ATIC: variants seen among roughly 807,000 people sequenced by gnomAD.
ATIC encodes the protein 5-aminoimidazole-4-carboxamide ribonucleotide formyltransferase/IMP cyclohydrolase, also known as bifunctional purine biosynthesis protein ATIC.
ATIC carries 64 observed loss-of-function variants against 72.5 expected under a neutral mutation model. The observed-to-expected ratio is 0.88, with a 90% confidence interval of 0.72 to 1.09. The LOEUF (loss-of-function observed/expected upper bound fraction) is 1.09. Among genes scored for constraint, ATIC ranks in the 50% least tolerant of loss-of-function variants. The pLI is 0.00. For missense variants in ATIC, 787 were observed against 732.4 expected, an observed-to-expected ratio of 1.07 and a Z score of -0.86; for synonymous variants, 281 against 267.1, an observed-to-expected ratio of 1.05 and a Z score of -0.51.
At chr2:215,338,670 G>A (rs1415513002) in intron 11 of ATIC, 109 bp from the exon 12 acceptor site, 1 of 1,162,310 alleles carries the variant, frequency 8.6e-7, no homozygotes, top group African/African-American at 1.6e-5. Context: ...TAAAAAATTA[G>A]AAACATGCAT....
intron 7 of ATIC, among the ~76,000 whole-genome samples, chr2:215,332,131 CGTGTGTGTGTGT>C (rs71044585): frequency 0.12 from 16,407 of 142,162 alleles, 1,020 homozygotes; most frequent in African/African-American, 0.17. Flanking sequence ...GTCCTCCAGT[CGTGTGTGTGTGT>C]GTGTGTGTGT....
the ATIC span, among the ~76,000 whole-genome samples, chr2:215,366,899 A>T: frequency 3.3e-4 from 50 of 152,370 alleles, no homozygotes; most frequent in Non-Finnish European, 6.5e-4. Context: ...GCTCCTAAAC[A>T]GCATGTGATG....
At chr2:215,351,465 A>G (rs1015612235), downstream of ATIC, among the ~76,000 whole-genome samples, 2 of 152,178 alleles carry the variant, frequency 1.3e-5, no homozygotes, top group Non-Finnish European at 2.9e-5. Flanking sequence ...CATTAAGGGT[A>G]TGATAATGGG....
chr2:215,334,010 C>T (rs999490968), intron 9 of ATIC, among the ~76,000 whole-genome samples: 2 of 150,350 alleles, frequency 1.3e-5, no homozygotes, highest in African/African-American at 4.9e-5. Flanking sequence ...CCAGTGCACT[C>T]CAGCCTGGGT....
intron 3 of ATIC, 41 bp from the exon 4 acceptor site, chr2:215,319,624 T>C: frequency 7.1e-7 from 1 of 1,417,966 alleles, no homozygotes; most frequent in East Asian, 2.3e-5. Context: ...ATCTGACTTG[T>C]TTTTTGAAGC....
chr2:215,332,550 G>A (rs762550408), intron 8 of ATIC, 43 bp downstream of exon 8: 1 of 1,605,134 alleles, frequency 6.2e-7, no homozygotes, highest in Non-Finnish European at 8.5e-7. Flanking sequence ...TGTTCGAAAG[G>A]CATTTCTTCT....
chr2:215,354,956 G>A, the ATIC span, among the ~76,000 whole-genome samples: 10 of 151,862 alleles, frequency 6.6e-5, no homozygotes, highest in African/African-American at 1.9e-4. Flanking sequence ...AATGAACCCC[G>A]GGGAGGAGCA....
At chr2:215,366,831 G>A in the ATIC span, among the ~76,000 whole-genome samples, 2 of 152,086 alleles carry the variant, frequency 1.3e-5, no homozygotes, top group South Asian at 2.1e-4. Context: ...AAACTTAAAC[G>A]TAGTTCGATT....
chr2:215,337,084 C>CTTTTTTTTTTTTT (rs11285874), intron 11 of ATIC, among the ~76,000 whole-genome samples: 1 of 138,648 alleles, frequency 7.2e-6, no homozygotes, highest in African/African-American at 2.6e-5. Context: ...TTGTTGTTGG[C>CTTTTTTTTTTTTT]TTTTTTTTTT....
chr2:215,340,911 T>A (rs570879529), intron 12 of ATIC, among the ~76,000 whole-genome samples: 182 of 152,310 alleles, frequency 1.2e-3, no homozygotes, highest in African/African-American at 4.2e-3. Flanking sequence ...CTCTGGGATC[T>A]TTGTCTGTTA....
At chr2:215,361,996 A>G in the ATIC span, 7 of 1,613,926 alleles carry the variant, frequency 4.3e-6, no homozygotes, top group Admixed American at 1.2e-4. Flanking sequence ...GGTATCTCTG[A>G]GAATACTGGT....
chr2:215,326,462 G>A (rs1016459040), intron 6 of ATIC, among the ~76,000 whole-genome samples: 1 of 151,932 alleles, frequency 6.6e-6, no homozygotes, highest in Non-Finnish European at 1.5e-5. Context: ...AAAATTAGCC[G>A]AGTGTGGTGT....
chr2:215,341,058 A>C (rs1297874501), intron 12 of ATIC, among the ~76,000 whole-genome samples: 2 of 152,208 alleles, frequency 1.3e-5, no homozygotes, highest in East Asian at 3.8e-4. Flanking sequence ...AGGCCTTTTC[A>C]GTAGAATTGC....
At chr2:215,347,594 A>G (rs1160932895) in intron 14 of ATIC, 3 of 490,684 alleles carry the variant, frequency 6.1e-6, no homozygotes, top group Admixed American at 2.3e-5. Flanking sequence ...TGAAGAGCCA[A>G]TTGACTACCC....
chr2:215,332,535 A>C (rs1488466469), intron 8 of ATIC, 28 bp downstream of exon 8: 7 of 1,612,150 alleles, frequency 4.3e-6, no homozygotes, highest in Non-Finnish European at 5.9e-6. Context: ...GGAAAGCTCC[A>C]GAATTGTTCG....
chr2:215,333,255 C>A, intron 8 of ATIC, 95 bp from the exon 9 acceptor site: 1 of 999,552 alleles, frequency 1.0e-6, no homozygotes, highest in Non-Finnish European at 1.6e-6. Flanking sequence ...AAATGTGCTG[C>A]GTAGACTGGG....
At chr2:215,364,128 C>T in the ATIC span, among the ~76,000 whole-genome samples, 1 of 152,210 alleles carries the variant, frequency 6.6e-6, no homozygotes, top group Non-Finnish European at 1.5e-5. Flanking sequence ...ACTTAATTAG[C>T]TTGACTTTGA....
chr2:215,337,178 A>T (rs1157710605), intron 11 of ATIC, among the ~76,000 whole-genome samples: 1 of 151,398 alleles, frequency 6.6e-6, no homozygotes, highest in Non-Finnish European at 1.5e-5. Flanking sequence ...GCAAAGAGTT[A>T]TTTCAATTTA....
chr2:215,326,978 G>A lies in ATIC; in HGVS notation c.688G>A (p.Val230Ile). The A allele has an allele frequency of 6.2e-7, 1 of 1,614,166 alleles. No individual in the cohort carries two copies. The highest frequency in any genetic ancestry group is 8.5e-7 in the Non-Finnish European group (1 of 1,180,028). Residue 230 changes from valine to isoleucine, a missense_variant and splice_region_variant, in exon 7 of 16, where the codon GTT (valine) becomes ATT (isoleucine). Val to Ile is a conservative substitution (Grantham distance 29, BLOSUM62 3). Coordinates refer to ENST00000236959, the MANE Select transcript of ATIC (RefSeq NM_004044.7). ...ACTGCAGCCCAAGCTTCCCATCACA[G>A]GTAAAGCCCGAGCGTTCTGTGGCAT... ...YTLQPKLPIT[V>I]LNGAPGFINL... is the part of the protein sequence containing the mutation.
Sources: gnomAD v4.1 joint callset for allele counts (sites outside exome capture counted in the v4.1 genomes callset) on GRCh38, gnomAD v4.1.1 for gene constraint, MANE v1.5 for transcripts, NCBI Gene and HGNC (gene_info 2026-07-23, HGNC 2026-07-21) for gene names.